CA11: variants seen among roughly 807,000 people sequenced by gnomAD.
CA11 encodes carbonic anhydrase-related protein 11.
In CA11, 20 loss-of-function variants were observed where a neutral mutation model predicts 39.3. That is an observed-to-expected ratio of 0.51 (90% confidence interval 0.36 to 0.74). The LOEUF (loss-of-function observed/expected upper bound fraction) is 0.74, where lower values mean the gene tolerates loss of function less well. CA11 is among the 30% of genes least tolerant of loss of function. The pLI is 0.00. For missense variants in CA11, 336 were observed against 424.6 expected (o/e 0.79, Z 1.83); for synonymous variants, 166 against 172.5 (o/e 0.96, Z 0.29).
At chr19:48,644,299 C>A in intron 3 of CA11, 128 bp downstream of exon 3, 1 of 765,766 alleles carries the variant, frequency 1.3e-6, no homozygotes, top group South Asian at 2.6e-5. Context: ...TGTAAGCAGC[C>A]TCCTCTCCAC....
chr19:48,640,353 C>A, intron 3 of CA11, 73 bp from the exon 4 acceptor site: 84 of 704,442 alleles, frequency 1.2e-4, no homozygotes, highest in Non-Finnish European at 1.8e-4. Flanking sequence ...CCTACATTTT[C>A]TGATTCCAAC....
Position 48,638,791 on chromosome 19 carries a change from G to A in CA11, c.961+97C>T. The A allele has an allele frequency of 3.1e-6, 4 of 1,286,130 alleles. No homozygotes were observed. In the South Asian group the frequency reaches 6.2e-5, roughly 20 times the overall value. 79.7% of individuals were successfully genotyped at this position (1,286,130 alleles called of 1,614,324 possible). ...CACGAGGCTAGACCATATAGACGCA[G>A]GAAGGAGGATGGGACTGAATCACAC... On this transcript the variant is annotated intron_variant, in intron 8 of 8. Transcript: ENST00000084798.
chr19:48,638,276 A>G (rs1478190418), intron 8 of CA11, 132 bp from the exon 9 acceptor site: 12 of 1,200,350 alleles, frequency 1.0e-5, no homozygotes, highest in Non-Finnish European at 1.2e-5. Flanking sequence ...AGAATGTACT[A>G]GGTCGAGAAG....
intron 3 of CA11, among the ~76,000 whole-genome samples, chr19:48,640,602 G>A (rs1344132750): frequency 1.3e-5 from 2 of 151,612 alleles, no homozygotes; most frequent in African/African-American, 4.8e-5. Context: ...TCAAACTCCC[G>A]ACCTCTGGTG....
intron 3 of CA11, 85 bp from the exon 4 acceptor site, chr19:48,640,365 G>GTAT: frequency 1.7e-5 from 8 of 469,602 alleles, no homozygotes; most frequent in South Asian, 4.5e-5. Context: ...GATTCCAACA[G>GTAT]TCTTTTTTTT....
At chr19:48,638,175 T>C in intron 8 of CA11, 31 bp from the exon 9 acceptor site, 1 of 1,235,792 alleles carries the variant, frequency 8.1e-7, no homozygotes, top group Non-Finnish European at 1.0e-6. Context: ...GCAGGGGGCG[T>C]CAGTATAGGA....
chr19:48,644,711 G>A, intron 2 of CA11, 142 bp from the exon 3 acceptor site: 1 of 554,708 alleles, frequency 1.8e-6, no homozygotes, highest in Non-Finnish European at 2.9e-6. Flanking sequence ...CTGGGTCTGA[G>A]GGAGGACTGG....
chr19:48,639,506 C>G, intron 6 of CA11, 43 bp downstream of exon 6: 1 of 1,613,918 alleles, frequency 6.2e-7, no homozygotes. Context: ...ACTCTTGAAC[C>G]CCCTCGTGTG....
At chr19:48,641,243 G>A (rs2031078172) in intron 3 of CA11, among the ~76,000 whole-genome samples, 1 of 152,186 alleles carries the variant, frequency 6.6e-6, no homozygotes, top group Non-Finnish European at 1.5e-5. Flanking sequence ...GCCTCCCAAA[G>A]TGCTGGGGTT....
chr19:48,639,222 G>T (rs1192775150), intron 7 of CA11, 83 bp downstream of exon 7: 1 of 1,563,964 alleles, frequency 6.4e-7, no homozygotes, highest in Non-Finnish European at 8.7e-7. Flanking sequence ...TATGAGGAGA[G>T]GGAGGGCAGG....
intron 2 of CA11, among the ~76,000 whole-genome samples, chr19:48,645,109 C>T (rs1218527727): frequency 6.6e-6 from 1 of 152,132 alleles, no homozygotes; most frequent in African/African-American, 2.4e-5. Context: ...ACGGGGCCAC[C>T]CAGCCTCTGG....
intron 4 of CA11, 34 bp downstream of exon 4, chr19:48,640,061 G>A: frequency 6.2e-7 from 1 of 1,601,016 alleles, no homozygotes; most frequent in Non-Finnish European, 8.5e-7. Flanking sequence ...GACTCAGGGC[G>A]GAGGGTGGCG....
rs755761012 is a variant in CA11 at position 48,639,838 on chromosome 19, C to T, written c.517G>A (p.Ala173Thr). 1.2e-6 allele frequency: 2 copies of T among 1,614,132 alleles called. No homozygotes were observed. Among genetic ancestry groups the T allele is most frequent in the South Asian group, 1.1e-5 (1 of 91,088 alleles). The change falls in exon 5 of 9, where the codon GCT (alanine) becomes ACT (threonine). Residue 173 changes from alanine to threonine, a missense_variant. By Grantham distance (58) the Ala-to-Thr change is moderately conservative. Transcript: ENST00000084798. ...AGGCCATTGGGGCCGCGGGAGGCAG[C>T]GCTGAAATTCCCGTAGAGTTCCTGG... ...FNQELYGNFSAASRGPNGLAI... is the reference protein window; with the variant it reads ...FNQELYGNFSTASRGPNGLAI...
Position 48,639,328 on chromosome 19 carries a change from C to T in CA11, c.772G>A (p.Ala258Thr), listed in dbSNP as rs1427906482. The T allele has an allele frequency of 1.9e-6, 3 of 1,613,518 alleles. No individual in the cohort carries two copies. The highest frequency in any genetic ancestry group is 2.5e-6 in the Non-Finnish European group (3 of 1,179,914). ...ACCTGAAGGGAGGTGATATTGAGGG[C>T]CCGGTCAATGAGGATCCAGGTGACA... ...ETVTWILIDR[A>T]LNITSLQMHS... is the part of the protein sequence containing the mutation. Residue 258 changes from alanine to threonine, a missense_variant, in exon 7 of 9, where the codon GCC becomes ACC. Physicochemically the swap from Ala to Thr is moderately conservative, Grantham distance 58. Coordinates refer to ENST00000084798, the MANE Select transcript of CA11 (RefSeq NM_001217.5).
At chr19:48,644,630 TG>T in intron 2 of CA11, 61 bp from the exon 3 acceptor site, 1 of 1,386,604 alleles carries the variant, frequency 7.2e-7, no homozygotes, top group South Asian at 1.5e-5. Flanking sequence ...ATCCCAGGGC[TG>T]GTATCTGCTG....
chr19:48,639,325 G>A lies in CA11; in HGVS notation c.775C>T (p.Leu259Phe), dbSNP rs1195265006. 1.9e-6 allele frequency: 3 copies of A among 1,613,634 alleles called. No individual in the cohort carries two copies. The highest frequency in any genetic ancestry group is 1.1e-5 in the South Asian group (1 of 91,074). Residue 259 changes from leucine to phenylalanine, a missense_variant, in exon 7 of 9, where the codon CTC becomes TTC. Coordinates refer to ENST00000084798, the MANE Select transcript of CA11 (RefSeq NM_001217.5). Reference protein sequence around the residue: ...TVTWILIDRALNITSLQMHSL... With the variant: ...TVTWILIDRAFNITSLQMHSL... Reference sequence around the variant, plus strand: ...GTCACCTGAAGGGAGGTGATATTGAGGGCCCGGTCAATGAGGATCCAGGTG... The same window carrying A: ...GTCACCTGAAGGGAGGTGATATTGAAGGCCCGGTCAATGAGGATCCAGGTG...
rs996894535 is a variant in CA11 at position 48,645,414 on chromosome 19, T to C, written c.131A>G (p.Asn44Ser). 1 of 1,590,506 alleles carries C rather than the reference T, an allele frequency of 6.3e-7. No individual in the cohort carries two copies. The highest frequency in any genetic ancestry group is 8.6e-7 in the Non-Finnish European group (1 of 1,167,848). ...WWSYKDNLQG[N>S]FVPGPPFWGL... The stretch of plus-strand genomic sequence containing the variant: ...CGCCTTGGCGGCACCTGGCACGAAG[T>C]TTCCCTGGAGATTATCCTTGTAGCT... Residue 44 changes from asparagine to serine, a missense_variant, in exon 2 of 9, where the codon AAC (asparagine) becomes AGC (serine). Coordinates refer to ENST00000084798, the MANE Select transcript of CA11 (RefSeq NM_001217.5).
At chr19:48,642,581 G>A (rs1170483828) in intron 3 of CA11, among the ~76,000 whole-genome samples, 1 of 151,746 alleles carries the variant, frequency 6.6e-6, no homozygotes, top group Non-Finnish European at 1.5e-5. Context: ...TAAGTGCTAT[G>A]TAAATGTTTG....
intron 8 of CA11, 145 bp downstream of exon 8, chr19:48,638,743 G>T (rs865871689): frequency 1.1e-6 from 1 of 905,388 alleles, no homozygotes; most frequent in Non-Finnish European, 1.6e-6. Context: ...GACATGTAGG[G>T]AAAGAGAGAA....
Sources: gnomAD v4.1 joint callset for allele counts (sites outside exome capture counted in the v4.1 genomes callset) on GRCh38, gnomAD v4.1.1 for gene constraint, MANE v1.5 for transcripts, NCBI Gene and HGNC (gene_info 2026-07-23, HGNC 2026-07-21) for gene names.